RIMS3: variants seen among roughly 807,000 people sequenced by gnomAD.
RIMS3 encodes the protein regulating synaptic membrane exocytosis protein 3.
RIMS3 carries 15 observed loss-of-function variants against 29.2 expected under a neutral mutation model. The observed-to-expected ratio is 0.51, with a 90% CI of 0.34 to 0.79. The LOEUF is 0.79. Ranked by LOEUF, RIMS3 falls within the 30% of genes least tolerant of loss-of-function variation. The probability of loss-of-function intolerance (pLI) is 0.01; values close to 1 mark genes in which losing one functional copy is unlikely to be tolerated. For synonymous variants in RIMS3, 161 were observed against 170.1 expected (o/e 0.95, Z 0.41); for missense variants, 342 against 421.4 (o/e 0.81, Z 1.65).
At position 40,656,106 on chromosome 1, in the gene RIMS3, C is replaced by A. The variant is rs543149228; in HGVS notation, c.-206-8264G>T. The stretch of plus-strand genomic sequence containing the variant: ...CACTCTGGCTAGGGGCAGTGGCTCA[C>A]ACCCATAGTCCCAGCTATTTGGGAG... On this transcript the variant is annotated intron_variant, in intron 1 of 7. Transcript: ENST00000372684. Among the ~76,000 whole-genome samples, 378 of 152,324 alleles carry A rather than the reference C, an allele frequency of 2.5e-3. 1 individual carries two copies. Among genetic ancestry groups the A allele is most frequent in the Non-Finnish European group, 3.1e-3 (211 of 68,028 alleles).
chr1:40,637,478 T>C (rs1570177942), intron 3 of RIMS3, among the ~76,000 whole-genome samples: 1 of 152,134 alleles, frequency 6.6e-6, no homozygotes, highest in East Asian at 1.9e-4. Flanking sequence ...ACCATCAACA[T>C]GTCAGTCTGT....
chr1:40,644,823 A>C (rs535932123), intron 2 of RIMS3, among the ~76,000 whole-genome samples: 1 of 152,360 alleles, frequency 6.6e-6, no homozygotes, highest in East Asian at 1.9e-4. Context: ...GCCAGGGTTC[A>C]GGGCACTTCA....
At chr1:40,653,222 G>C (rs985712587) in intron 1 of RIMS3, among the ~76,000 whole-genome samples, 1 of 152,158 alleles carries the variant, frequency 6.6e-6, no homozygotes, top group African/African-American at 2.4e-5. Context: ...AGAAAAAATG[G>C]GGTGTGGAAA....
chr1:40,673,054 C>T, the RIMS3 span, among the ~76,000 whole-genome samples: 1 of 151,970 alleles, frequency 6.6e-6, no homozygotes, highest in African/African-American at 2.4e-5. Context: ...GTGGCAGGTG[C>T]CTGTAATCCC....
At chr1:40,642,547 G>A (rs368660899) in intron 2 of RIMS3, among the ~76,000 whole-genome samples, 4 of 152,126 alleles carry the variant, frequency 2.6e-5, no homozygotes, top group African/African-American at 4.8e-5. Flanking sequence ...ACCCTTTATC[G>A]TACTCTTGAG....
At chr1:40,649,987 G>T (rs889208847) in intron 1 of RIMS3, among the ~76,000 whole-genome samples, 8 of 136,732 alleles carry the variant, frequency 5.9e-5, no homozygotes, top group Non-Finnish European at 9.3e-5. Context: ...GTCCCTGCAA[G>T]ACCTACAAGA....
At chr1:40,655,340 T>C (rs1197015003) in intron 1 of RIMS3, among the ~76,000 whole-genome samples, 1 of 152,014 alleles carries the variant, frequency 6.6e-6, no homozygotes, top group Non-Finnish European at 1.5e-5. Context: ...CTGTAGGGTA[T>C]GCAGCCCCTA....
the RIMS3 span, chr1:40,673,331 T>A: frequency 6.6e-6 from 1 of 152,122 alleles, no homozygotes; most frequent in Non-Finnish European, 1.5e-5. Context: ...ACTCTCAGAG[T>A]CCATTCCAGG....
chr1:40,687,091 G>A, the RIMS3 span, among the ~76,000 whole-genome samples: 1 of 151,962 alleles, frequency 6.6e-6, no homozygotes, highest in African/African-American at 2.4e-5. Flanking sequence ...ATTGAAAGCA[G>A]GGACTCCAAC....
chr1:40,649,369 G>T (rs1237566572), intron 1 of RIMS3, among the ~76,000 whole-genome samples: 1 of 152,166 alleles, frequency 6.6e-6, no homozygotes, highest in African/African-American at 2.4e-5. Context: ...AGCCACGACA[G>T]CCATAGTCGT....
chr1:40,650,830 C>T (rs1374484981), intron 1 of RIMS3, among the ~76,000 whole-genome samples: 2 of 138,750 alleles, frequency 1.4e-5, no homozygotes, highest in South Asian at 2.4e-4. Context: ...TGCAACACTG[C>T]ACTCCAGCCT....
chr1:40,672,243 G>A, the RIMS3 span, among the ~76,000 whole-genome samples: 86 of 136,268 alleles, frequency 6.3e-4, no homozygotes, highest in Non-Finnish European at 9.6e-4. Flanking sequence ...CTTTCACCCA[G>A]GCCGGACTGC....
intron 5 of RIMS3, among the ~76,000 whole-genome samples, chr1:40,629,796 G>C (rs2002620): frequency 2.1e-4 from 32 of 152,244 alleles, no homozygotes; most frequent in Non-Finnish European, 4.0e-4. Context: ...TCCGTTTGAG[G>C]CCGGGCGCAG....
chr1:40,684,753 G>A, the RIMS3 span, among the ~76,000 whole-genome samples: 1 of 152,304 alleles, frequency 6.6e-6, no homozygotes, highest in South Asian at 2.1e-4. Context: ...GCTCATTAGA[G>A]GAAGGAAGGG....
the RIMS3 span, among the ~76,000 whole-genome samples, chr1:40,674,946 T>C: frequency 6.6e-6 from 1 of 152,118 alleles, no homozygotes; most frequent in African/African-American, 2.4e-5. Flanking sequence ...GATTCGAGGC[T>C]TTATTGAACC....
At chr1:40,628,673 T>G in intron 7 of RIMS3, 137 bp downstream of exon 7, 1 of 1,184,068 alleles carries the variant, frequency 8.4e-7, no homozygotes, top group Non-Finnish European at 1.3e-6. Flanking sequence ...CCTCACAGGG[T>G]TGTGAAAGTA....
In RIMS3 at chr1:40,636,232, G is replaced by C. The variant is rs1646519004; in HGVS notation, c.218-175C>G. Among the ~76,000 whole-genome samples the C allele has an allele frequency of 6.6e-6, 1 of 152,170 alleles. No individual in the cohort carries two copies. Among genetic ancestry groups the C allele is most frequent in the South Asian group, 2.1e-4 (1 of 4,826 alleles). ...GAGCTGACCTCAGAGCTGGTCTGCAGCCTGACACCTGGCCCTGCTCCGGGC... is the reference window on the plus strand; with the variant it reads ...GAGCTGACCTCAGAGCTGGTCTGCACCCTGACACCTGGCCCTGCTCCGGGC... On this transcript the variant is annotated intron_variant, in intron 3 of 7. Coordinates refer to ENST00000372684, the MANE Select transcript of RIMS3 (RefSeq NM_014747.3). This position sits in a 1 kb window ranked among gnomAD's most constrained non-coding sequence, Gnocchi z 4.2.
chr1:40,629,302 C>A lies in RIMS3; in HGVS notation c.543G>T (p.Leu181=). The change falls in exon 6 of 8, where the codon CTG becomes CTT. Residue 181 remains leucine (L), a synonymous_variant. Transcript: ENST00000372684. ...LEVEVIEARG[L]TPKPGSKSLP... is the part of the protein sequence containing the mutation. ...GGGATTTGGAGCCTGGTTTGGGGGT[C>A]AGGCCCCGAGCTTCAATCACTTCCA... 1 of 1,614,152 alleles carries A rather than the reference C, an allele frequency of 6.2e-7. No homozygotes were observed. The highest frequency in any genetic ancestry group is 8.5e-7 in the Non-Finnish European group (1 of 1,180,008).
At chr1:40,630,958 GC>G (rs1646485359) in intron 5 of RIMS3, among the ~76,000 whole-genome samples, 1 of 152,206 alleles carries the variant, frequency 6.6e-6, no homozygotes, top group Non-Finnish European at 1.5e-5. Flanking sequence ...GAGCTCCTGG[GC>G]AGGAGCTTTT....
Sources: allele counts gnomAD v4.1 joint callset (sites outside exome capture counted in the v4.1 genomes callset), GRCh38; gene constraint gnomAD v4.1.1; non-coding constraint Gnocchi (gnomAD v3.1); transcripts MANE v1.5; gene names NCBI Gene and HGNC (gene_info 2026-07-23, HGNC 2026-07-21).